TERF1: variants seen among roughly 807,000 people sequenced by gnomAD.
TERF1 encodes the protein telomeric repeat-binding factor 1.
Under a neutral mutation model 55.1 loss-of-function variants are expected in TERF1, and 20 were observed. The observed-to-expected ratio is 0.36, with a 90% CI of 0.26 to 0.53. TERF1 has a LOEUF of 0.53. Among genes scored for constraint, TERF1 ranks in the 20% least tolerant of loss-of-function variants. TERF1 has a pLI of 0.91. For synonymous variants in TERF1, 168 were observed against 181.2 expected, an observed-to-expected ratio of 0.93 and a Z score of 0.59; for missense variants, 439 against 535.7, an observed-to-expected ratio of 0.82 and a Z score of 1.78.
intron 2 of TERF1, among the ~76,000 whole-genome samples, chr8:73,014,315 G>A (rs1411347854): frequency 1.3e-5 from 2 of 151,836 alleles, no homozygotes; most frequent in Non-Finnish European, 2.9e-5. Context: ...TGGGTATGGG[G>A]CTCTGAAATA....
chr8:73,023,779 A>G (rs182876672), intron 4 of TERF1, among the ~76,000 whole-genome samples: 390 of 152,340 alleles, frequency 2.6e-3, no homozygotes, highest in Non-Finnish European at 4.1e-3. Context: ...ACTGGCATCA[A>G]TTAAAATGTC....
chr8:73,041,432 G>A (rs777387154), intron 9 of TERF1, among the ~76,000 whole-genome samples: 7 of 152,118 alleles, frequency 4.6e-5, no homozygotes, highest in Non-Finnish European at 8.8e-5. Flanking sequence ...GAGGTGAAGC[G>A]TTCTGGAGTC....
At position 73,032,846 on chromosome 8, in the gene TERF1, AT is replaced by A. The variant is rs562602854; in HGVS notation, c.1039+717del. The stretch of plus-strand genomic sequence containing the variant: ...AAATGTTTATTGACCCCACAGTAAT[AT>A]TTTAGGTACTGAACTGATACTGAGA... On this transcript the variant is annotated intron_variant, in intron 8 of 9. Coordinates refer to ENST00000276603, the MANE Select transcript of TERF1 (RefSeq NM_017489.3). Among the ~76,000 whole-genome samples the A allele has an allele frequency of 4.0e-3, 615 of 151,932 alleles. 3 individuals carry two copies. The highest frequency in any genetic ancestry group is 0.014 in the Middle Eastern group (4 of 294).
intron 2 of TERF1, among the ~76,000 whole-genome samples, chr8:73,019,577 G>A (rs1000480469): frequency 1.3e-5 from 2 of 152,030 alleles, no homozygotes; most frequent in East Asian, 3.9e-4. Context: ...ACAAGGTCAC[G>A]CTGGAAGGCT....
Position 73,020,768 on chromosome 8 carries a change from A to G in TERF1, c.500A>G (p.Lys167Arg), listed in dbSNP as rs779999988. 2 of 1,493,150 alleles carry G rather than the reference A, an allele frequency of 1.3e-6. No individual in the cohort carries two copies. The highest frequency in any genetic ancestry group is 1.9e-6 in the Non-Finnish European group (2 of 1,077,336). 92.5% of individuals were successfully genotyped at this position (1,493,150 alleles called of 1,614,324 possible). ...IWGSIEKEHD[K>R]LHEEIQNLIK... is the part of the protein sequence containing the mutation. The stretch of plus-strand genomic sequence containing the variant: ...GGTTCAATTGAAAAGGAACATGACA[A>G]ACTTCATGAAGAAATACAGAATTTA... The change falls in exon 3 of 10, where the codon AAA (lysine) becomes AGA (arginine). Residue 167 changes from lysine to arginine, a missense_variant. This residue lies in a region of TERF1 where 95 missense variants were observed against 167.2 expected (regional missense o/e 0.57). Transcript: ENST00000276603.
Position 73,016,198 on chromosome 8 carries a change from G to A in TERF1, c.415+2208G>A, listed in dbSNP as rs144918951. Among the ~76,000 whole-genome samples the A allele has an allele frequency of 4.6e-5, 7 of 152,258 alleles. No individual in the cohort carries two copies. In the East Asian group the frequency reaches 1.4e-3, roughly 29 times the overall value. ...CTCATGTGTACTTTATACTTAAGGT[G>A]CATCTCAATTCAAACTAGCCATATT... On this transcript the variant is annotated intron_variant, in intron 2 of 9. Coordinates refer to ENST00000276603, the MANE Select transcript of TERF1 (RefSeq NM_017489.3).
intron 9 of TERF1, among the ~76,000 whole-genome samples, chr8:73,044,253 G>A (rs1182351196): frequency 3.9e-5 from 6 of 152,162 alleles, no homozygotes; most frequent in East Asian, 1.9e-4. Flanking sequence ...CACAGTTGCC[G>A]ATAGGTGTGC....
chr8:73,039,065 T>C (rs773414136), intron 8 of TERF1, 51 bp from the exon 9 acceptor site: 1 of 1,207,526 alleles, frequency 8.3e-7, no homozygotes, highest in African/African-American at 1.6e-5. Flanking sequence ...ATAATTGCTC[T>C]TTTTTCTTTA....
chr8:73,029,441 A>G (rs2129824665), intron 6 of TERF1, among the ~76,000 whole-genome samples: 1 of 152,170 alleles, frequency 6.6e-6, no homozygotes, highest in South Asian at 2.1e-4. Flanking sequence ...CCTAGGCAAC[A>G]TGGCAGAACC....
rs1810056991 is a variant in TERF1, at chr8:73,046,830, C to T, written c.*693C>T. The T allele has an allele frequency of 6.6e-6, 1 of 152,020 alleles. No homozygotes were observed. The highest frequency in any genetic ancestry group is 2.4e-5 in the African/African-American group (1 of 41,384). 9.4% of individuals were successfully genotyped at this position (152,020 alleles called of 1,614,324 possible). ...TTCTAGATGATTGAATAACAGTAGT[C>T]CTTTGATAGAAGATAATGACTTGGT... On this transcript the variant is annotated 3_prime_UTR_variant, in exon 10 of 10. Transcript: ENST00000276603.
chr8:73,045,999 C>T lies in TERF1; in HGVS notation c.1182C>T (p.Gly394=), dbSNP rs151126937. 3,726 of 1,601,436 alleles carry T rather than the reference C, an allele frequency of 2.3e-3. 10 individuals carry two copies. The highest frequency in any genetic ancestry group is 3.0e-3 in the Non-Finnish European group (3,548 of 1,174,846). The part of the protein sequence containing the change: ...LWEEDKNLRS[G]VRKYGEGNWS... ...AAGAAGACAAGAATTTGAGATCTGG[C>T]GTGAGGAAATATGGAGAGGGAAACT... The change falls in exon 10 of 10, where the codon GGC becomes GGT. Residue 394 remains glycine (G), a synonymous_variant. Coordinates refer to ENST00000276603, the MANE Select transcript of TERF1 (RefSeq NM_017489.3).
In TERF1 at chr8:73,047,453, A is replaced by G. The variant is rs1293699977; in HGVS notation, c.*1316A>G. On this transcript the variant is annotated 3_prime_UTR_variant, in exon 10 of 10. Coordinates refer to ENST00000276603, the MANE Select transcript of TERF1 (RefSeq NM_017489.3). ...ATTGGTATTAACTATGATCATCTTG[A>G]TGTCTATGATAGATAATAAACAAGG... The G allele has an allele frequency of 6.6e-6, 1 of 152,174 alleles. No homozygotes were observed. Among genetic ancestry groups the G allele is most frequent in the African/African-American group, 2.4e-5 (1 of 41,448 alleles). The allele number at this position is 152,174 out of a possible 1,614,324, so 9.4% of individuals were successfully genotyped here. A position where few individuals can be genotyped will look rare whatever the true frequency, so the allele number is the denominator to read the frequency against.
At chr8:73,031,558 AATG>A (rs1459230648) in intron 7 of TERF1, 2 of 152,270 alleles carry the variant, frequency 1.3e-5, no homozygotes, top group African/African-American at 2.4e-5. Context: ...TTTCAAAAAA[AATG>A]ATGCCACATC....
chr8:73,014,742 A>AAG (rs1808423558), intron 2 of TERF1, among the ~76,000 whole-genome samples: 9 of 152,372 alleles, frequency 5.9e-5, no homozygotes, highest in Admixed American at 2.6e-4. Context: ...GTGTTGTCTT[A>AAG]CATAAAATCC....
chr8:73,041,962 T>C (rs1401399088), intron 9 of TERF1, among the ~76,000 whole-genome samples: 1 of 152,140 alleles, frequency 6.6e-6, no homozygotes, highest in African/African-American at 2.4e-5. Flanking sequence ...GGCCTTTCTG[T>C]CCCCAGTAAT....
chr8:73,031,393 G>A (rs926496656), intron 7 of TERF1: 2 of 152,244 alleles, frequency 1.3e-5, no homozygotes, highest in Non-Finnish European at 2.9e-5. Flanking sequence ...AGGATGGCTG[G>A]TCACCTAGAG....
chr8:73,028,570 CATTTTT>C (rs1809127207), intron 6 of TERF1, among the ~76,000 whole-genome samples: 1 of 94,040 alleles, frequency 1.1e-5, no homozygotes, highest in Non-Finnish European at 2.3e-5. Context: ...TACGTAGACC[CATTTTT>C]TTTTTTTTTT....
chr8:73,014,374 G>A (rs563649717), intron 2 of TERF1, among the ~76,000 whole-genome samples: 1 of 152,182 alleles, frequency 6.6e-6, no homozygotes, highest in Non-Finnish European at 1.5e-5. Context: ...TCTTGGGGAA[G>A]TGTGTTTCAT....
At position 73,038,481 on chromosome 8, in the gene TERF1, AG is replaced by A. The variant is rs1352263391; in HGVS notation, c.1040-634del. Reference sequence around the variant, plus strand: ...TCTTAAAAAAAAAAAGTTACCTCTAAGAATGTTAGATTTTTTTGTGGCTATT... The same window carrying A: ...TCTTAAAAAAAAAAAGTTACCTCTAAAATGTTAGATTTTTTTGTGGCTATT... On this transcript the variant is annotated intron_variant, in intron 8 of 9. Transcript: ENST00000276603. 2.0e-5 allele frequency among the ~76,000 whole-genome samples: 3 copies of A among 152,156 alleles called. 1 individual carries two copies. The highest frequency in any genetic ancestry group is 2.0e-4 in the Admixed American group (3 of 15,262).
Sources: gnomAD v4.1 joint callset for allele counts (sites outside exome capture counted in the v4.1 genomes callset) on GRCh38, gnomAD v4.1.1 for gene constraint, gnomAD v4.1.1 regional missense constraint, MANE v1.5 for transcripts, NCBI Gene and HGNC (gene_info 2026-07-23, HGNC 2026-07-21) for gene names.